The following LRMDA variants were observed in gnomAD, a reference collection of about 807,000 sequenced individuals.
LRMDA encodes the protein leucine-rich melanocyte differentiation-associated protein.
LRMDA carries 18 observed loss-of-function variants against 29.8 expected under a neutral mutation model. That is an observed-to-expected ratio of 0.60 (90% CI 0.42 to 0.90). The LOEUF (loss-of-function observed/expected upper bound fraction) is 0.90, where lower values mean the gene tolerates loss of function less well. Among genes scored for constraint, LRMDA ranks in the 40% least tolerant of loss-of-function variants. The pLI is 0.00. For missense variants in LRMDA, 273 were observed against 273.9 expected, an observed-to-expected ratio of 1.00 and a Z score of 0.02; for synonymous variants, 125 against 109.4, an observed-to-expected ratio of 1.14 and a Z score of -0.89.
At chr10:76,004,003 A>G (rs1438095159) in intron 2 of LRMDA, among the ~76,000 whole-genome samples, 1 of 152,200 alleles carries the variant, frequency 6.6e-6, no homozygotes, top group African/African-American at 2.4e-5. Context: ...GATGAATGAC[A>G]TGAGTGGTTA....
At chr10:76,363,910 T>A (rs1324363987) in intron 6 of LRMDA, among the ~76,000 whole-genome samples, 3 of 152,146 alleles carry the variant, frequency 2.0e-5, no homozygotes, top group Non-Finnish European at 2.9e-5. Flanking sequence ...AGGATTCAAG[T>A]TCTGATTTCC....
At position 75,794,132 on chromosome 10, in the gene LRMDA, C is replaced by T. The variant is rs532661657; in HGVS notation, c.132-241876C>T. On this transcript the variant is annotated intron_variant, in intron 2 of 6. Transcript: ENST00000611255. ...GTTACCACCACATAATCAAGCTATTCCTGACTGATACTTTGCCCAACTAGC... is the reference window on the plus strand; with the variant it reads ...GTTACCACCACATAATCAAGCTATTTCTGACTGATACTTTGCCCAACTAGC... Among the ~76,000 whole-genome samples the T allele has an allele frequency of 2.6e-4, 39 of 152,326 alleles. 1 individual carries two copies. In the South Asian group the frequency reaches 8.1e-3, roughly 32 times the overall value.
At chr10:76,213,471 T>G (rs769622257) in intron 5 of LRMDA, among the ~76,000 whole-genome samples, 10 of 152,252 alleles carry the variant, frequency 6.6e-5, no homozygotes, top group Non-Finnish European at 1.2e-4. Context: ...AATGGCACAG[T>G]TATAGACTTG....
intron 5 of LRMDA, among the ~76,000 whole-genome samples, chr10:76,316,576 G>T (rs1180808633): frequency 6.6e-6 from 1 of 152,212 alleles, no homozygotes; most frequent in Non-Finnish European, 1.5e-5. Context: ...AGACATTTCT[G>T]ACTAGAAAAC....
intron 2 of LRMDA, among the ~76,000 whole-genome samples, chr10:75,697,576 G>A (rs1335203577): frequency 6.6e-6 from 1 of 151,706 alleles, no homozygotes; most frequent in Non-Finnish European, 1.5e-5. Flanking sequence ...TATAACCCAG[G>A]ATTTTGGCAT....
chr10:76,251,966 A>G (rs796138568), intron 5 of LRMDA, among the ~76,000 whole-genome samples: 33 of 152,370 alleles, frequency 2.2e-4, no homozygotes, highest in African/African-American at 6.7e-4. Context: ...TGTTGCTGTG[A>G]ATCGGGTCTG....
chr10:76,158,186 T>C (rs1453761896), intron 5 of LRMDA, among the ~76,000 whole-genome samples: 3 of 152,064 alleles, frequency 2.0e-5, no homozygotes, highest in South Asian at 2.1e-4. Flanking sequence ...GTGAATCTTA[T>C]GTCCTAGGGA....
chr10:76,466,687 T>C (rs566019403), intron 6 of LRMDA, among the ~76,000 whole-genome samples: 42 of 152,148 alleles, frequency 2.8e-4, no homozygotes, highest in Non-Finnish European at 1.5e-4. Flanking sequence ...TCCCAGCTAC[T>C]CACAAGGCAG....
At chr10:76,491,053 TAAA>T in intron 6 of LRMDA, among the ~76,000 whole-genome samples, 1 of 152,118 alleles carries the variant, frequency 6.6e-6, no homozygotes, top group Admixed American at 6.6e-5. Flanking sequence ...GGAAAACTAA[TAAA>T]AAATCAGCAC....
intron 2 of LRMDA, among the ~76,000 whole-genome samples, chr10:75,935,994 T>A (rs753909925): frequency 3.3e-5 from 5 of 151,290 alleles, no homozygotes; most frequent in African/African-American, 4.9e-5. Flanking sequence ...CCCTCATTTT[T>A]ATTTTTATTT....
intron 2 of LRMDA, among the ~76,000 whole-genome samples, chr10:75,809,145 G>A (rs1465612903): frequency 6.6e-6 from 1 of 152,254 alleles, no homozygotes; most frequent in East Asian, 1.9e-4. Flanking sequence ...CACCTCCCCA[G>A]AGCTGAGTGT....
intron 5 of LRMDA, among the ~76,000 whole-genome samples, chr10:76,100,527 A>G (rs1849379579): frequency 6.9e-6 from 1 of 144,732 alleles, no homozygotes; most frequent in Non-Finnish European, 1.5e-5. Context: ...ATCTGCCTCC[A>G]ACATCAATCA....
intron 5 of LRMDA, among the ~76,000 whole-genome samples, chr10:76,220,911 A>G (rs80141785): frequency 0.15 from 23,248 of 151,912 alleles, 2,419 homozygotes; most frequent in East Asian, 0.49. Context: ...CACATCAAGA[A>G]GCTTATCCAC....
chr10:75,493,078 G>A (rs1276688430), intron 2 of LRMDA, among the ~76,000 whole-genome samples: 1 of 151,862 alleles, frequency 6.6e-6, no homozygotes, highest in Non-Finnish European at 1.5e-5. Flanking sequence ...TATTTTAAAA[G>A]CTCTTCAAGC....
chr10:76,033,091 C>A (rs1016916668), intron 2 of LRMDA, among the ~76,000 whole-genome samples: 4 of 152,038 alleles, frequency 2.6e-5, no homozygotes, highest in Non-Finnish European at 5.9e-5. Flanking sequence ...AAGGGTAAAG[C>A]CACCTCATTC....
At chr10:76,123,983 C>A (rs1216580912) in intron 5 of LRMDA, among the ~76,000 whole-genome samples, 1 of 152,160 alleles carries the variant, frequency 6.6e-6, no homozygotes, top group Non-Finnish European at 1.5e-5. Flanking sequence ...GTTCCTTCCC[C>A]TCCCTGATCT....
intron 2 of LRMDA, among the ~76,000 whole-genome samples, chr10:75,843,993 G>A (rs1844589210): frequency 6.6e-6 from 1 of 152,144 alleles, no homozygotes; most frequent in African/African-American, 2.4e-5. Flanking sequence ...GGCTGTGGTA[G>A]TGGCAGCAGA....
intron 6 of LRMDA, among the ~76,000 whole-genome samples, chr10:76,407,207 G>A (rs948900288): frequency 1.4e-4 from 21 of 152,180 alleles, no homozygotes; most frequent in African/African-American, 5.1e-4. Context: ...GGCAGGGAGT[G>A]ATACTCAAAG....
intron 5 of LRMDA, among the ~76,000 whole-genome samples, chr10:76,226,353 C>A (rs886331205): frequency 1.3e-5 from 2 of 151,964 alleles, no homozygotes; most frequent in African/African-American, 2.4e-5. Flanking sequence ...GAGGCTGAAG[C>A]GGGTGGATCA....
Sources: allele counts gnomAD v4.1 joint callset (sites outside exome capture counted in the v4.1 genomes callset), GRCh38; gene constraint gnomAD v4.1.1; transcripts MANE v1.5; gene names NCBI Gene and HGNC (gene_info 2026-07-23, HGNC 2026-07-21).